LRRC36: variants seen among roughly 807,000 people sequenced by gnomAD.
LRRC36 encodes the protein leucine rich repeat containing 36.
In LRRC36, 62 loss-of-function variants were observed where a neutral mutation model predicts 81.1. That is an observed-to-expected ratio of 0.76 (90% CI 0.62 to 0.94). The LOEUF (loss-of-function observed/expected upper bound fraction) is 0.94. LRRC36 is among the 40% of genes least tolerant of loss of function. LRRC36 has a pLI of 0.00. For missense variants in LRRC36, 761 were observed against 881.7 expected, an observed-to-expected ratio of 0.86 and a Z score of 1.73; for synonymous variants, 334 against 348.6, an observed-to-expected ratio of 0.96 and a Z score of 0.47.
intron 5 of LRRC36, among the ~76,000 whole-genome samples, chr16:67,351,533 C>T (rs1435515515): frequency 6.6e-6 from 1 of 152,102 alleles, no homozygotes; most frequent in Non-Finnish European, 1.5e-5. Flanking sequence ...ATGGCAAAAC[C>T]CCATCTCTAC....
intron 1 of LRRC36, 117 bp downstream of exon 1, chr16:67,327,049 T>G (rs1238297499): frequency 1.2e-6 from 1 of 862,864 alleles, no homozygotes; most frequent in East Asian, 4.8e-5. Context: ...AGAGAAGCGG[T>G]ACCTGAGGCT....
At chr16:67,370,549 C>G (rs1036474861) in intron 8 of LRRC36, among the ~76,000 whole-genome samples, 1 of 149,294 alleles carries the variant, frequency 6.7e-6, no homozygotes, top group Non-Finnish European at 1.5e-5. Flanking sequence ...AGGAGAATAT[C>G]TTGAACTCAG....
intron 1 of LRRC36, among the ~76,000 whole-genome samples, chr16:67,333,868 T>G (rs1193258956): frequency 6.6e-6 from 1 of 152,128 alleles, no homozygotes; most frequent in African/African-American, 2.4e-5. Flanking sequence ...CCGTTTCCCT[T>G]AATTTTAATA....
At chr16:67,342,571 C>T (rs1265761975) in intron 2 of LRRC36, among the ~76,000 whole-genome samples, 1 of 152,014 alleles carries the variant, frequency 6.6e-6, no homozygotes, top group Non-Finnish European at 1.5e-5. Flanking sequence ...AAATTTAAGT[C>T]AGGGGATGAT....
In LRRC36 at chr16:67,378,642, A is replaced by G. The variant is rs2040000887; in HGVS notation, c.1860A>G (p.Ser620=). The G allele has an allele frequency of 1.2e-6, 2 of 1,614,200 alleles. No individual in the cohort carries two copies. The highest frequency in any genetic ancestry group is 1.7e-6 in the Non-Finnish European group (2 of 1,179,998). ...TGCTGGAGGAAAACCTCATTTTGTC[A>G]GAAAAAATTCAACAGTTGGAGGAAG... is the stretch of plus-strand genomic sequence containing the variant. The part of the protein sequence containing the change: ...VRVLEENLIL[S]EKIQQLEEGA... The change falls in exon 12 of 14, where the codon TCA becomes TCG. Residue 620 remains serine (S), a synonymous_variant. Transcript: ENST00000329956.
At chr16:67,332,377 C>A (rs1055746695) in intron 1 of LRRC36, among the ~76,000 whole-genome samples, 1 of 152,024 alleles carries the variant, frequency 6.6e-6, no homozygotes, top group Non-Finnish European at 1.5e-5. Context: ...CATGATGAAA[C>A]CCTGTCTCTA....
At chr16:67,342,388 G>A (rs2038131457) in intron 2 of LRRC36, among the ~76,000 whole-genome samples, 1 of 152,246 alleles carries the variant, frequency 6.6e-6, no homozygotes, top group Non-Finnish European at 1.5e-5. Flanking sequence ...TAGAAGTACA[G>A]ATTCTCAGTC....
chr16:67,345,746 A>G (rs1011423483), intron 2 of LRRC36, among the ~76,000 whole-genome samples: 1 of 151,900 alleles, frequency 6.6e-6, no homozygotes, highest in African/African-American at 2.4e-5. Flanking sequence ...AGATATGAGA[A>G]CACAACACAA....
chr16:67,375,226 T>C (rs777370292), intron 9 of LRRC36, 21 bp from the exon 10 acceptor site: 8 of 1,606,612 alleles, frequency 5.0e-6, no homozygotes, highest in Non-Finnish European at 5.9e-6. Context: ...TGTTTGTTTT[T>C]GCTTTTTTTT....
At chr16:67,366,160 T>C (rs2039374609) in intron 7 of LRRC36, among the ~76,000 whole-genome samples, 1 of 152,130 alleles carries the variant, frequency 6.6e-6, no homozygotes, top group African/African-American at 2.4e-5. Flanking sequence ...TTTTTAATTT[T>C]TTTTATTTTT....
intron 4 of LRRC36, among the ~76,000 whole-genome samples, chr16:67,348,904 C>T (rs1368466147): frequency 6.6e-6 from 1 of 152,144 alleles, no homozygotes; most frequent in African/African-American, 2.4e-5. Context: ...AGTGACTTTG[C>T]CTGTCTCTGC....
At chr16:67,341,642 T>C (rs986698872) in intron 1 of LRRC36, among the ~76,000 whole-genome samples, 2 of 152,082 alleles carry the variant, frequency 1.3e-5, no homozygotes, top group African/African-American at 4.8e-5. Flanking sequence ...CAAAATTTTG[T>C]GGTTATTATC....
intron 1 of LRRC36, among the ~76,000 whole-genome samples, chr16:67,337,827 G>A (rs2037836898): frequency 6.6e-6 from 1 of 151,942 alleles, no homozygotes; most frequent in Non-Finnish European, 1.5e-5. Context: ...GCTGGGCGTG[G>A]TGGTTCCCAG....
At chr16:67,364,488 AAGTT>A (rs2039297295) in intron 6 of LRRC36, among the ~76,000 whole-genome samples, 1 of 152,172 alleles carries the variant, frequency 6.6e-6, no homozygotes, top group East Asian at 1.9e-4. Context: ...AATTAGTAAA[AAGTT>A]AGTACTATTC....
chr16:67,360,177 A>G (rs772059887), intron 5 of LRRC36, among the ~76,000 whole-genome samples: 1 of 152,002 alleles, frequency 6.6e-6, no homozygotes, highest in Non-Finnish European at 1.5e-5. Flanking sequence ...GTGTGCAGGT[A>G]CTCATTGGGG....
At chr16:67,335,779 C>A (rs1567466252) in intron 1 of LRRC36, among the ~76,000 whole-genome samples, 1 of 151,592 alleles carries the variant, frequency 6.6e-6, no homozygotes. Flanking sequence ...GTTGCCCAGG[C>A]TGGAATGCAG....
At chr16:67,347,396 G>T (rs1306298095) in intron 3 of LRRC36, 99 bp from the exon 4 acceptor site, 3 of 1,563,494 alleles carry the variant, frequency 1.9e-6, no homozygotes, top group Non-Finnish European at 2.6e-6. Context: ...GATGAGACTG[G>T]TCCTAATTTT....
At chr16:67,376,291 G>C (rs2039889243) in intron 10 of LRRC36, among the ~76,000 whole-genome samples, 1 of 152,134 alleles carries the variant, frequency 6.6e-6, no homozygotes, top group Admixed American at 6.5e-5. Context: ...CTGGGCAACA[G>C]AGCAAGACTC....
At position 67,347,454 on chromosome 16, in the gene LRRC36, C is replaced by CA. The variant is rs765463289; in HGVS notation, c.392-34dup. ...GATTAACTACTAGTTATGTCTATGC[C>CA]AAAAAAAGAAACATGCTCAGACCAC... On this transcript the variant is annotated intron_variant, in intron 3 of 13. Coordinates refer to ENST00000329956, the MANE Select transcript of LRRC36 (RefSeq NM_018296.6). The CA allele has an allele frequency of 4.4e-6, 7 of 1,609,184 alleles. No individual in the cohort carries two copies. The South Asian group carries it at 4.4e-5, about 10-fold the overall frequency.
Sources: gnomAD v4.1 joint callset for allele counts (sites outside exome capture counted in the v4.1 genomes callset) on GRCh38, gnomAD v4.1.1 for gene constraint, MANE v1.5 for transcripts, NCBI Gene and HGNC (gene_info 2026-07-23, HGNC 2026-07-21) for gene names.